Variants in MRTFB observed in about 807,000 individuals in gnomAD.
MRTFB encodes the protein myocardin related transcription factor B.
A neutral mutation model predicts 104.2 loss-of-function variants in MRTFB; 29 were observed. That is an observed-to-expected ratio of 0.28 (90% CI 0.21 to 0.38). MRTFB has a LOEUF of 0.38. MRTFB is among the 10% of genes least tolerant of loss of function. MRTFB has a pLI of 1.00. For missense variants in MRTFB, 1,270 were observed against 1,341.6 expected, an observed-to-expected ratio of 0.95 and a Z score of 0.83; for synonymous variants, 535 against 519.5, an observed-to-expected ratio of 1.03 and a Z score of -0.41.
chr16:14,233,114 C>T (rs188514896), intron 8 of MRTFB, among the ~76,000 whole-genome samples: 1 of 152,280 alleles, frequency 6.6e-6, no homozygotes. Flanking sequence ...AACCTAGTAA[C>T]GCCTTCTGTA....
the MRTFB span, among the ~76,000 whole-genome samples, chr16:14,055,353 AAAG>A: frequency 7.9e-5 from 12 of 152,164 alleles, no homozygotes; most frequent in East Asian, 1.9e-4. Flanking sequence ...CTCCGTCTCA[AAAG>A]AAGAAGAAGA....
the MRTFB span, among the ~76,000 whole-genome samples, chr16:14,058,865 C>T: frequency 6.6e-6 from 1 of 151,418 alleles, no homozygotes; most frequent in Non-Finnish European, 1.5e-5. Flanking sequence ...ATTATGGGTG[C>T]GTGCCACCAC....
chr16:14,239,984 T>C (rs901295199), intron 9 of MRTFB, among the ~76,000 whole-genome samples: 51 of 152,314 alleles, frequency 3.3e-4, no homozygotes, highest in African/African-American at 1.2e-3. Flanking sequence ...GTGCATTGAG[T>C]TTGAACAGCT....
chr16:14,251,018 G>C (rs532311030), intron 13 of MRTFB, among the ~76,000 whole-genome samples: 1 of 152,164 alleles, frequency 6.6e-6, no homozygotes, highest in African/African-American at 2.4e-5. Flanking sequence ...TGGCTTTGAC[G>C]CCTGGGAGCA....
the MRTFB span, among the ~76,000 whole-genome samples, chr16:14,045,990 G>GT: frequency 6.6e-6 from 1 of 152,320 alleles, no homozygotes; most frequent in South Asian, 2.1e-4. Flanking sequence ...TAGCAGTAGT[G>GT]TTGGTCATGA....
intron 8 of MRTFB, among the ~76,000 whole-genome samples, chr16:14,233,872 G>C (rs570544117): frequency 8.6e-5 from 13 of 151,438 alleles, no homozygotes; most frequent in African/African-American, 3.2e-4. Flanking sequence ...CCAATAAAGA[G>C]TGGGTTCTGA....
At chr16:14,162,152 C>CA (rs376183467) in intron 3 of MRTFB, among the ~76,000 whole-genome samples, 6,465 of 62,564 alleles carry the variant, frequency 0.1, 346 homozygotes, top group African/African-American at 0.14. Flanking sequence ...CCTGTCTCTA[C>CA]AAAAAAAAAA....
intron 2 of MRTFB, among the ~76,000 whole-genome samples, chr16:14,098,542 G>A (rs1330748854): frequency 1.3e-5 from 2 of 152,084 alleles, no homozygotes; most frequent in South Asian, 4.2e-4. Flanking sequence ...TTCTTTCAAA[G>A]AGCAGTTCTT....
Position 14,236,017 on chromosome 16 carries a change from A to G in MRTFB, c.831+1734A>G, listed in dbSNP as rs1156393671. Among the ~76,000 whole-genome samples the G allele has an allele frequency of 3.9e-5, 6 of 152,234 alleles. No homozygotes were observed. The East Asian group carries it at 9.7e-4, about 25-fold the overall frequency. On this transcript the variant is annotated intron_variant, in intron 9 of 16. Coordinates refer to ENST00000571589, the MANE Select transcript of MRTFB (RefSeq NM_001308142.2). ...CAACATGGCAAAACCCCATCTCTAT[A>G]AAGTGTACAAAAAAATTAGTTGGGC...
intron 3 of MRTFB, among the ~76,000 whole-genome samples, chr16:14,166,217 CTT>C (rs35113283): frequency 6.2e-5 from 7 of 112,506 alleles, no homozygotes; most frequent in Admixed American, 2.7e-4. Context: ...GTTTTCTTTT[CTT>C]TTTTTTTTTT....
At chr16:14,079,080 A>G (rs748613358) in intron 1 of MRTFB, among the ~76,000 whole-genome samples, 6 of 152,210 alleles carry the variant, frequency 3.9e-5, no homozygotes, top group Non-Finnish European at 5.9e-5. Flanking sequence ...CAGTTCTTTG[A>G]ATACAGTCGT....
At chr16:14,213,322 T>C (rs937034221) in intron 5 of MRTFB, among the ~76,000 whole-genome samples, 1 of 152,216 alleles carries the variant, frequency 6.6e-6, no homozygotes, top group African/African-American at 2.4e-5. Flanking sequence ...AGTTTATAAA[T>C]GCTTAGTTTA....
rs115106619 is a variant in MRTFB, at chr16:14,166,060, A to G, written c.154+25300A>G. On this transcript the variant is annotated intron_variant, in intron 3 of 16. Coordinates refer to ENST00000571589, the MANE Select transcript of MRTFB (RefSeq NM_001308142.2). Reference sequence around the variant, plus strand: ...GAAGAAATTATAATACTCGCTTTCTATGCAAAATAGAGCAGCCACTTCCAA... The same window carrying G: ...GAAGAAATTATAATACTCGCTTTCTGTGCAAAATAGAGCAGCCACTTCCAA... Among the ~76,000 whole-genome samples, 984 of 152,332 alleles carry G rather than the reference A, an allele frequency of 6.5e-3. 9 individuals carry two copies. Among genetic ancestry groups the G allele is most frequent in the African/African-American group, 0.021 (883 of 41,578 alleles).
chr16:14,246,758 C>A lies in MRTFB; in HGVS notation c.1498C>A (p.His500Asn), dbSNP rs754154873. Residue 500 changes from histidine to asparagine, a missense_variant, in exon 12 of 17, where the codon CAT becomes AAT. His to Asn is a moderately conservative substitution (Grantham distance 68, BLOSUM62 1). Transcript: ENST00000571589. Reference sequence around the variant, plus strand: ...CAACGCAACCCGTGTGGAAAATGTTCATTCCCCTCTGCCCATTTCACCATC... The same window carrying A: ...CAACGCAACCCGTGTGGAAAATGTTAATTCCCCTCTGCCCATTTCACCATC... ...TSNATRVENV[H>N]SPLPISPSPS... The A allele has an allele frequency of 8.7e-6, 14 of 1,614,030 alleles. No individual in the cohort carries two copies. The highest frequency in any genetic ancestry group is 4.0e-5 in the African/African-American group (3 of 74,922).
the MRTFB span, among the ~76,000 whole-genome samples, chr16:14,033,835 CAAAAAAAA>C: frequency 2.3e-4 from 21 of 90,458 alleles, no homozygotes; most frequent in East Asian, 5.6e-3. Context: ...GACTCAGTCT[CAAAAAAAA>C]AAAAAAAAAA....
At chr16:14,249,240 C>G (rs895365369) in intron 13 of MRTFB, among the ~76,000 whole-genome samples, 159 bp downstream of exon 13, 1 of 152,238 alleles carries the variant, frequency 6.6e-6, no homozygotes, top group Non-Finnish European at 1.5e-5. Context: ...TGCCATTTGG[C>G]TGCAGATTTC....
chr16:14,221,225 ATTTTAT>A (rs2041687628), intron 8 of MRTFB, among the ~76,000 whole-genome samples: 4 of 152,236 alleles, frequency 2.6e-5, no homozygotes, highest in East Asian at 1.9e-4. Flanking sequence ...GTTTTGGCAA[ATTTTAT>A]ACTTTATTTT....
chr16:14,123,279 C>T (rs1483163157), intron 2 of MRTFB, among the ~76,000 whole-genome samples: 1 of 151,336 alleles, frequency 6.6e-6, no homozygotes, highest in Non-Finnish European at 1.5e-5. Context: ...TTGCTGTTCA[C>T]AAGCTCTTTA....
intron 2 of MRTFB, among the ~76,000 whole-genome samples, chr16:14,086,891 A>G (rs752232088): frequency 1.3e-5 from 2 of 152,228 alleles, no homozygotes; most frequent in African/African-American, 2.4e-5. Context: ...ATTTTTCAGC[A>G]TCTTTAATGA....
Sources: allele counts gnomAD v4.1 joint callset (sites outside exome capture counted in the v4.1 genomes callset), GRCh38; gene constraint gnomAD v4.1.1; transcripts MANE v1.5; gene names NCBI Gene and HGNC (gene_info 2026-07-23, HGNC 2026-07-21).